PDLIM5: variants seen among roughly 807,000 people sequenced by gnomAD.
PDLIM5 encodes the protein PDZ and LIM domain protein 5.
In PDLIM5, 34 loss-of-function variants were observed where a neutral mutation model predicts 64.2. The observed-to-expected ratio is 0.53, with a 90% CI of 0.40 to 0.71. PDLIM5 has a LOEUF of 0.71. PDLIM5 is among the 30% of genes least tolerant of loss of function. PDLIM5 has a pLI of 0.00. For missense variants in PDLIM5, 683 were observed against 733.6 expected (o/e 0.93, Z 0.80); for synonymous variants, 253 against 269.1 (o/e 0.94, Z 0.59).
At chr4:94,590,975 C>A (rs2110329541) in intron 7 of PDLIM5, among the ~76,000 whole-genome samples, 1 of 152,196 alleles carries the variant, frequency 6.6e-6, no homozygotes, top group East Asian at 1.9e-4. Context: ...TAATATTTTT[C>A]CTGTTGAGAC....
chr4:94,567,045 G>C (rs1042634100), intron 3 of PDLIM5, among the ~76,000 whole-genome samples: 17 of 152,240 alleles, frequency 1.1e-4, no homozygotes, highest in African/African-American at 2.2e-4. Flanking sequence ...CCAGGCTGGA[G>C]TGCAGTGGCA....
chr4:94,457,815 T>C (rs562051390), intron 2 of PDLIM5, among the ~76,000 whole-genome samples: 11 of 152,358 alleles, frequency 7.2e-5, no homozygotes, highest in Admixed American at 4.6e-4. Flanking sequence ...GCTTTCCTTG[T>C]GTAGACAGAG....
Position 94,667,108 on chromosome 4 carries a change from AT to A in PDLIM5, c.*3042del, listed in dbSNP as rs1743116051. On this transcript the variant is annotated 3_prime_UTR_variant, in exon 13 of 13. Transcript: ENST00000317968. ...GCATTTACTTTTAGTCTCTAGATGT[AT>A]ATTTTGGAATGCTGTACTTGGCATA... is the stretch of plus-strand genomic sequence containing the variant. The A allele has an allele frequency of 1.3e-5, 2 of 152,198 alleles. No homozygotes were observed. The highest frequency in any genetic ancestry group is 2.9e-5 in the Non-Finnish European group (2 of 68,030). The allele number at this position is 152,198 out of a possible 1,614,324, so 9.4% of individuals were successfully genotyped here. A position where few individuals can be genotyped will look rare whatever the true frequency, so the allele number is the denominator to read the frequency against.
chr4:94,634,934 A>G (rs1200650992), intron 8 of PDLIM5, among the ~76,000 whole-genome samples: 1 of 152,216 alleles, frequency 6.6e-6, no homozygotes, highest in Non-Finnish European at 1.5e-5. Flanking sequence ...ACAAATTTAT[A>G]CATTGTATGC....
chr4:94,584,817 T>A (rs1205474655), intron 5 of PDLIM5: 2 of 546,024 alleles, frequency 3.7e-6, no homozygotes, highest in Non-Finnish European at 6.6e-6. Flanking sequence ...TGTCCGCATC[T>A]GTGTTTCGTA....
chr4:94,630,565 G>C (rs1740064299), intron 8 of PDLIM5, among the ~76,000 whole-genome samples: 1 of 151,968 alleles, frequency 6.6e-6, no homozygotes, highest in Non-Finnish European at 1.5e-5. Flanking sequence ...CATAGAGACA[G>C]AGTTTTGCCA....
At chr4:94,464,214 A>C (rs1724145437) in intron 2 of PDLIM5, among the ~76,000 whole-genome samples, 1 of 152,304 alleles carries the variant, frequency 6.6e-6, no homozygotes, top group African/African-American at 2.4e-5. Flanking sequence ...TTTTTTCCCC[A>C]AGGTCCAGAG....
At chr4:94,549,890 G>A (rs186673700) in intron 3 of PDLIM5, 1 of 152,116 alleles carries the variant, frequency 6.6e-6, no homozygotes, top group African/African-American at 2.4e-5. Context: ...GATCGCGCCT[G>A]GGTGACAGAA....
intron 8 of PDLIM5, among the ~76,000 whole-genome samples, chr4:94,633,044 C>T (rs1037716247): frequency 6.6e-6 from 1 of 152,040 alleles, no homozygotes; most frequent in Non-Finnish European, 1.5e-5. Context: ...TTGGGTATTT[C>T]ATGATATTAA....
intron 12 of PDLIM5, among the ~76,000 whole-genome samples, chr4:94,662,823 T>TAA (rs3833614): frequency 1.1e-4 from 16 of 147,368 alleles, no homozygotes; most frequent in Admixed American, 8.1e-4. Flanking sequence ...TTCCTTTACT[T>TAA]AAAAAAAAAA....
At chr4:94,474,779 G>C (rs980944852) in intron 2 of PDLIM5, among the ~76,000 whole-genome samples, 2 of 152,072 alleles carry the variant, frequency 1.3e-5, no homozygotes, top group African/African-American at 2.4e-5. Context: ...CCTCCCAGGT[G>C]GCTGGGATTA....
chr4:94,617,991 A>C lies in PDLIM5; in HGVS notation c.921-13A>C. On this transcript the variant is annotated splice_polypyrimidine_tract_variant and intron_variant, in intron 7 of 12. Transcript: ENST00000317968. The stretch of plus-strand genomic sequence containing the variant: ...ACCACTTCACCAAAGATGTTTCTTT[A>C]TTTCCTTTACAGTAACTCTCAGGAG... 6.8e-7 allele frequency: 1 copy of C among 1,469,384 alleles called. No homozygotes were observed. The highest frequency in any genetic ancestry group is 9.1e-7 in the Non-Finnish European group (1 of 1,098,110). The allele number at this position is 1,469,384 out of a possible 1,614,324, so 91.0% of individuals were successfully genotyped here. A position where few individuals can be genotyped will look rare whatever the true frequency, so the allele number is the denominator to read the frequency against.
At chr4:94,625,699 C>T (rs910789657) in intron 8 of PDLIM5, among the ~76,000 whole-genome samples, 1 of 152,058 alleles carries the variant, frequency 6.6e-6, no homozygotes, top group African/African-American at 2.4e-5. Context: ...GTGATCTGCC[C>T]GCCTCGGCCT....
chr4:94,456,356 G>A (rs371649798), intron 2 of PDLIM5: 26 of 609,464 alleles, frequency 4.3e-5, no homozygotes, highest in Middle Eastern at 4.3e-4. Flanking sequence ...GTGCCACCAC[G>A]CCTGGCTAAT....
chr4:94,597,039 A>G (rs535465227), intron 7 of PDLIM5, among the ~76,000 whole-genome samples: 1 of 152,252 alleles, frequency 6.6e-6, no homozygotes, highest in South Asian at 2.1e-4. Context: ...ATCTTTGAAC[A>G]GAAGAATGTG....
At chr4:94,481,616 A>AT (rs111582159) in intron 2 of PDLIM5, among the ~76,000 whole-genome samples, 2,611 of 133,758 alleles carry the variant, frequency 0.02, 56 homozygotes, top group African/African-American at 0.058. Context: ...ATTTTATTTC[A>AT]TTTTTTTTTT....
At position 94,584,660 on chromosome 4, in the gene PDLIM5, C is replaced by T. The variant is rs182816361; in HGVS notation, c.711-905C>T. 5.4e-5 allele frequency: 15 copies of T among 276,870 alleles called. No individual in the cohort carries two copies. In the East Asian group the frequency reaches 1.1e-3, roughly 21 times the overall value. The allele number at this position is 276,870 out of a possible 1,614,324, so 17.2% of individuals were successfully genotyped here. On this transcript the variant is annotated intron_variant, in intron 5 of 12. Transcript: ENST00000317968. ...AAAACTGTAGAAATAATAGTTCGGACCCTTTTCAAAATTGTATTCGGAATT... is the reference window on the plus strand; with the variant it reads ...AAAACTGTAGAAATAATAGTTCGGATCCTTTTCAAAATTGTATTCGGAATT...
At chr4:94,524,680 A>G (rs1375805395) in intron 3 of PDLIM5, among the ~76,000 whole-genome samples, 1 of 152,146 alleles carries the variant, frequency 6.6e-6, no homozygotes, top group African/African-American at 2.4e-5. Context: ...ATAATATATC[A>G]GGTATTTTGA....
chr4:94,629,615 T>C (rs1015792694), intron 8 of PDLIM5, among the ~76,000 whole-genome samples: 2 of 152,118 alleles, frequency 1.3e-5, no homozygotes, highest in African/African-American at 2.4e-5. Context: ...AATTAAGATA[T>C]TGTAGATCCA....
Sources: gnomAD v4.1 joint callset for allele counts (sites outside exome capture counted in the v4.1 genomes callset) on GRCh38, gnomAD v4.1.1 for gene constraint, MANE v1.5 for transcripts, NCBI Gene and HGNC (gene_info 2026-07-23, HGNC 2026-07-21) for gene names.